INSYN2A: variants seen among roughly 807,000 people sequenced by gnomAD.
The protein encoded by INSYN2A is inhibitory synaptic factor 2A.
Under a neutral mutation model 39.4 loss-of-function variants are expected in INSYN2A, and 17 were observed. The ratio of observed to expected loss-of-function variants is 0.43; its 90% CI spans 0.30 to 0.65. INSYN2A has a LOEUF of 0.65. INSYN2A is among the 30% of genes least tolerant of loss of function. The pLI is 0.14. For missense variants in INSYN2A, 595 were observed against 631.2 expected (o/e 0.94, Z 0.61); for synonymous variants, 255 against 265.7 (o/e 0.96, Z 0.39).
intron 4 of INSYN2A, among the ~76,000 whole-genome samples, chr10:127,160,678 G>C (rs2053523133): frequency 6.6e-6 from 1 of 152,194 alleles, no homozygotes; most frequent in African/African-American, 2.4e-5. Flanking sequence ...TCAATTCAGA[G>C]GCTGTATCCT....
chr10:127,151,244 C>T (rs2052457252), intron 5 of INSYN2A, among the ~76,000 whole-genome samples: 1 of 152,148 alleles, frequency 6.6e-6, no homozygotes, highest in Admixed American at 6.6e-5. Context: ...ACTTGGTAGT[C>T]ACAGTGCAGT....
chr10:127,139,250 A>G (rs2050995008), intron 5 of INSYN2A, among the ~76,000 whole-genome samples: 1 of 152,208 alleles, frequency 6.6e-6, no homozygotes, highest in South Asian at 2.1e-4. Flanking sequence ...ACAAATTTTG[A>G]CATTTTGGAA....
chr10:127,150,105 T>G (rs1029178351), intron 5 of INSYN2A, among the ~76,000 whole-genome samples: 4 of 152,204 alleles, frequency 2.6e-5, no homozygotes, highest in African/African-American at 9.6e-5. Flanking sequence ...CTTTGAAATT[T>G]GGAGACACCC....
rs1216809857 is a variant in INSYN2A at position 127,186,504 on chromosome 10, A to AC, written c.-269+6100dup. ...CAATCATGATAACAGCATGGGAGAA[A>AC]CCGCCCCCCCGCCCCCCCCCGATCC... On this transcript the variant is annotated intron_variant, in intron 2 of 5. Coordinates refer to ENST00000522781, the MANE Select transcript of INSYN2A (RefSeq NM_001039762.3). Among the ~76,000 whole-genome samples the AC allele has an allele frequency of 3.2e-3, 29 of 9,010 alleles. 3 individuals are homozygous for AC. The highest frequency in any genetic ancestry group is 6.0e-3 in the South Asian group (1 of 168). The allele number at this position is 9,010 out of a possible 152,430, so 5.9% of individuals were successfully genotyped here.
intron 4 of INSYN2A, among the ~76,000 whole-genome samples, chr10:127,164,319 G>GAT (rs1271285437): frequency 6.6e-6 from 1 of 151,616 alleles, no homozygotes; most frequent in Non-Finnish European, 1.5e-5. Flanking sequence ...GAGCAGCTGA[G>GAT]ATTACAGGTG....
At chr10:127,143,812 C>T (rs1477967222) in intron 5 of INSYN2A, among the ~76,000 whole-genome samples, 1 of 152,136 alleles carries the variant, frequency 6.6e-6, no homozygotes, top group Non-Finnish European at 1.5e-5. Context: ...CCTCGCCAGG[C>T]AATAGAAGAA....
rs1313534417 is a variant in INSYN2A, at chr10:127,136,432, C to T, written c.*1405G>A. ...AAACTGCTGGACAGAAACTTCAAGACTAGGTTTTCCTGTATGCTCACAAAC... is the reference window on the plus strand; with the variant it reads ...AAACTGCTGGACAGAAACTTCAAGATTAGGTTTTCCTGTATGCTCACAAAC... On this transcript the variant is annotated 3_prime_UTR_variant, in exon 6 of 6. Transcript: ENST00000522781. The T allele has an allele frequency of 6.8e-6, 1 of 147,232 alleles. No homozygotes were observed. Among genetic ancestry groups the T allele is most frequent in the Non-Finnish European group, 1.5e-5 (1 of 67,430 alleles). The allele number at this position is 147,232 out of a possible 1,614,324, so 9.1% of individuals were successfully genotyped here.
chr10:127,190,668 C>A (rs1346276941), intron 2 of INSYN2A, among the ~76,000 whole-genome samples: 1 of 12,350 alleles, frequency 8.1e-5, no homozygotes, highest in Non-Finnish European at 1.6e-4. Flanking sequence ...CCTATCTTCC[C>A]CCCCCCCCCC....
chr10:127,183,349 C>T (rs1006800351), intron 2 of INSYN2A, among the ~76,000 whole-genome samples: 1 of 152,124 alleles, frequency 6.6e-6, no homozygotes, highest in Non-Finnish European at 1.5e-5. Context: ...CCCATCAACT[C>T]GACCATCAGA....
rs144388192 is a variant in INSYN2A at position 127,178,065 on chromosome 10, C to T, written c.-268-926G>A. ...CCCTTACTGAGTTAGCATGACAGGC[C>T]GAGGTGCACGGTGGTTCCATAAGGG... On this transcript the variant is annotated intron_variant, in intron 2 of 5. Coordinates refer to ENST00000522781, the MANE Select transcript of INSYN2A (RefSeq NM_001039762.3). 5.6e-3 allele frequency among the ~76,000 whole-genome samples: 852 copies of T among 152,170 alleles called. 7 individuals carry two copies. Among genetic ancestry groups the T allele is most frequent in the African/African-American group, 0.019 (801 of 41,512 alleles).
In INSYN2A at chr10:127,176,555, C is replaced by T. The variant is rs765563020; in HGVS notation, c.-5-155G>A. Among the ~76,000 whole-genome samples, 36 of 152,202 alleles carry T rather than the reference C, an allele frequency of 2.4e-4. No homozygotes were observed. Among genetic ancestry groups the T allele is most frequent in the Non-Finnish European group, 4.3e-4 (29 of 68,048 alleles). ...TTTATGTTAAGGAAAATCACACGGG[C>T]TGAGAGTCGCTGGCAGCACAGCTTG... On this transcript the variant is annotated intron_variant, in intron 3 of 5. Transcript: ENST00000522781. The surrounding 1 kb of genome is among the most constrained non-coding windows in gnomAD (Gnocchi z 4.4).
At position 127,189,083 on chromosome 10, in the gene INSYN2A, TG is replaced by T. The variant is rs1161837759; in HGVS notation, c.-269+3521del. ...GGATGTACACAAAGACAGCACACCT[TG>T]GGATGTGTTGTGCATGTGGATGACA... On this transcript the variant is annotated intron_variant, in intron 2 of 5. Coordinates refer to ENST00000522781, the MANE Select transcript of INSYN2A (RefSeq NM_001039762.3). 5.9e-5 allele frequency among the ~76,000 whole-genome samples: 9 copies of T among 152,082 alleles called. No individual in the cohort carries two copies. The South Asian group carries it at 1.5e-3, about 25-fold the overall frequency.
At chr10:127,190,544 C>CTCATT in intron 2 of INSYN2A, among the ~76,000 whole-genome samples, 1 of 151,300 alleles carries the variant, frequency 6.6e-6, no homozygotes, top group African/African-American at 2.4e-5. Flanking sequence ...ATCCAATTTC[C>CTCATT]TCCTATTTCA....
intron 4 of INSYN2A, among the ~76,000 whole-genome samples, chr10:127,166,955 T>C (rs2054140964): frequency 6.6e-6 from 1 of 152,284 alleles, no homozygotes; most frequent in Non-Finnish European, 1.5e-5. Context: ...AAATCTATTT[T>C]GGCATTCTGC....
rs375773085 is a variant in INSYN2A at position 127,175,755 on chromosome 10, C to G, written c.641G>C (p.Arg214Pro). The G allele has an allele frequency of 6.2e-7, 1 of 1,614,044 alleles. No individual in the cohort carries two copies. Among genetic ancestry groups the G allele is most frequent in the East Asian group, 2.2e-5 (1 of 44,842 alleles). ...YGEAALQNST[R>P]PPSEEPDYQL... ...GTAATCGGGCTCTTCGGATGGAGGCCGAGTGGAGTTTTGGAGCGCAGCTTC... is the reference window on the plus strand; with the variant it reads ...GTAATCGGGCTCTTCGGATGGAGGCGGAGTGGAGTTTTGGAGCGCAGCTTC... Residue 214 changes from arginine (R) to proline (P), a missense_variant, in exon 4 of 6, where the codon CGG becomes CCG. Physicochemically the swap from Arg to Pro is moderately radical, Grantham distance 103 (BLOSUM62 -2). This residue lies in a region of INSYN2A where 478 missense variants were observed against 467.4 expected (regional missense o/e 1.02). Coordinates refer to ENST00000522781, the MANE Select transcript of INSYN2A (RefSeq NM_001039762.3). This position sits in a 1 kb window ranked among gnomAD's most constrained non-coding sequence, Gnocchi z 6.3.
In INSYN2A at chr10:127,175,935, C is replaced by A. The variant is rs1295412166; in HGVS notation, c.461G>T (p.Gly154Val). 10 of 1,614,228 alleles carry A rather than the reference C, an allele frequency of 6.2e-6. No homozygotes were observed. The highest frequency in any genetic ancestry group is 8.5e-6 in the Non-Finnish European group (10 of 1,180,052). ...LTDAKEKNEAGPMEEARPCGA... is the reference protein window; with the variant it reads ...LTDAKEKNEAVPMEEARPCGA... ...ACATGGCCGGGCCTCCTCCATGGGTCCAGCCTCGTTCTTCTCTTTCGCATC... is the reference window on the plus strand; with the variant it reads ...ACATGGCCGGGCCTCCTCCATGGGTACAGCCTCGTTCTTCTCTTTCGCATC... The change falls in exon 4 of 6, where the codon GGA becomes GTA. Residue 154 changes from glycine (G) to valine (V), a missense_variant. This residue lies in a region of INSYN2A where 478 missense variants were observed against 467.4 expected (regional missense o/e 1.02). Transcript: ENST00000522781. The surrounding 1 kb of genome is among the most constrained non-coding windows in gnomAD (Gnocchi z 6.3).
At chr10:127,156,572 T>TTC (rs1208060868) in intron 4 of INSYN2A, among the ~76,000 whole-genome samples, 4 of 140,540 alleles carry the variant, frequency 2.8e-5, no homozygotes, top group African/African-American at 7.9e-5. Flanking sequence ...CTTTTTTTTT[T>TTC]TTTTTTTTTT....
At chr10:127,181,394 A>G (rs1213897573) in intron 2 of INSYN2A, among the ~76,000 whole-genome samples, 2 of 152,180 alleles carry the variant, frequency 1.3e-5, no homozygotes, top group African/African-American at 4.8e-5. Flanking sequence ...TCCATTCTTA[A>G]AATGTCCGTG....
At chr10:127,140,263 T>C (rs1157951992) in intron 5 of INSYN2A, among the ~76,000 whole-genome samples, 2 of 152,164 alleles carry the variant, frequency 1.3e-5, no homozygotes, top group Non-Finnish European at 2.9e-5. Context: ...CACAGAGTAA[T>C]CTAATCTGAG....
Sources: allele counts gnomAD v4.1 joint callset (sites outside exome capture counted in the v4.1 genomes callset), GRCh38; gene constraint gnomAD v4.1.1; regional missense constraint gnomAD v4.1.1; non-coding constraint Gnocchi (gnomAD v3.1); transcripts MANE v1.5; gene names NCBI Gene and HGNC (gene_info 2026-07-23, HGNC 2026-07-21).